The following BANK1 variants were observed in gnomAD, a reference collection of about 807,000 sequenced individuals.
BANK1 encodes the protein B-cell scaffold protein with ankyrin repeats.
A neutral mutation model predicts 94.5 loss-of-function variants in BANK1; 95 were observed. The ratio of observed to expected loss-of-function variants is 1.00; its 90% CI spans 0.85 to 1.19. The LOEUF is 1.19. Ranked by LOEUF, BANK1 falls within the 50% of genes most tolerant of loss-of-function variation. The pLI is 0.00. For missense variants in BANK1, 987 were observed against 932.2 expected (o/e 1.06, Z -0.77); for synonymous variants, 334 against 308.4 (o/e 1.08, Z -0.87).
chr4:101,997,112 C>A lies in BANK1; in HGVS notation c.1207-24402C>A, dbSNP rs141621590. Among the ~76,000 whole-genome samples, 494 of 152,096 alleles carry A rather than the reference C, an allele frequency of 3.2e-3. 6 individuals are homozygous for A. Among genetic ancestry groups the A allele is most frequent in the African/African-American group, 0.011 (475 of 41,488 alleles). ...ATTTTGAGATACATTCCATCAATACCTAGTTTTTTGAGAGTTTTTACCATG... is the reference window on the plus strand; with the variant it reads ...ATTTTGAGATACATTCCATCAATACATAGTTTTTTGAGAGTTTTTACCATG... On this transcript the variant is annotated intron_variant, in intron 7 of 16. Coordinates refer to ENST00000322953, the MANE Select transcript of BANK1 (RefSeq NM_017935.5).
At chr4:101,874,866 A>G (rs924156770) in intron 5 of BANK1, among the ~76,000 whole-genome samples, 4 of 152,128 alleles carry the variant, frequency 2.6e-5, no homozygotes, top group African/African-American at 9.7e-5. Context: ...GGCAACTAAT[A>G]TTTGTTGCTT....
At chr4:102,035,197 A>G (rs1416288301) in intron 10 of BANK1, among the ~76,000 whole-genome samples, 1 of 152,160 alleles carries the variant, frequency 6.6e-6, no homozygotes, top group African/African-American at 2.4e-5. Context: ...AACACTACCA[A>G]TTTGAAGGGA....
At chr4:101,991,190 T>C (rs957228248) in intron 7 of BANK1, among the ~76,000 whole-genome samples, 2 of 152,222 alleles carry the variant, frequency 1.3e-5, no homozygotes, top group African/African-American at 4.8e-5. Context: ...TCTCTGAGAC[T>C]CCAAAGTCAA....
At chr4:101,807,723 C>T (rs1340224646) in intron 1 of BANK1, among the ~76,000 whole-genome samples, 1 of 152,108 alleles carries the variant, frequency 6.6e-6, no homozygotes, top group Non-Finnish European at 1.5e-5. Context: ...AGCAGGAAAT[C>T]TAGGCACAAC....
At chr4:101,833,360 T>G (rs1471414529) in intron 2 of BANK1, among the ~76,000 whole-genome samples, 15 of 152,198 alleles carry the variant, frequency 9.9e-5, no homozygotes, top group African/African-American at 3.6e-4. Context: ...GTTTTGTTGT[T>G]TGTTCTGTTT....
Position 102,019,624 on chromosome 4 carries a change from G to A in BANK1, c.1207-1890G>A, listed in dbSNP as rs143288844. 5.7e-3 allele frequency among the ~76,000 whole-genome samples: 865 copies of A among 152,224 alleles called. 11 individuals are homozygous for A. Among genetic ancestry groups the A allele is most frequent in the African/African-American group, 0.02 (823 of 41,534 alleles). On this transcript the variant is annotated intron_variant, in intron 7 of 16. Transcript: ENST00000322953. ...CTGTCTACTCCATCACACAGCCAAGGATTAAAATGATTAGATGTCAGAATG... is the reference window on the plus strand; with the variant it reads ...CTGTCTACTCCATCACACAGCCAAGAATTAAAATGATTAGATGTCAGAATG...
chr4:101,820,569 C>G (rs1219816657), intron 1 of BANK1, among the ~76,000 whole-genome samples: 1 of 152,120 alleles, frequency 6.6e-6, no homozygotes, highest in Non-Finnish European at 1.5e-5. Context: ...TATTTCATCA[C>G]CCAGGAATTA....
intron 2 of BANK1, among the ~76,000 whole-genome samples, chr4:101,849,506 C>T (rs747877785): frequency 6.6e-6 from 1 of 151,880 alleles, no homozygotes; most frequent in Non-Finnish European, 1.5e-5. Flanking sequence ...GATACACACG[C>T]ACACACACAC....
chr4:101,921,238 A>T (rs143535220), intron 7 of BANK1, among the ~76,000 whole-genome samples: 4 of 151,904 alleles, frequency 2.6e-5, no homozygotes, highest in African/African-American at 9.7e-5. Context: ...CTCATTTTTC[A>T]GTTTCTAACA....
intron 2 of BANK1, among the ~76,000 whole-genome samples, chr4:101,837,324 T>C (rs1726866832): frequency 6.6e-6 from 1 of 152,220 alleles, no homozygotes; most frequent in Admixed American, 6.5e-5. Flanking sequence ...ATTCAGGGAT[T>C]GAATACTGAC....
chr4:101,942,322 G>A (rs1394823147), intron 7 of BANK1, among the ~76,000 whole-genome samples: 2 of 151,796 alleles, frequency 1.3e-5, no homozygotes, highest in African/African-American at 4.8e-5. Flanking sequence ...CTTCTTCATC[G>A]ACACAGTGGG....
chr4:101,859,235 C>G (rs190799995), intron 3 of BANK1, among the ~76,000 whole-genome samples: 70 of 152,304 alleles, frequency 4.6e-4, no homozygotes, highest in Non-Finnish European at 9.0e-4. Flanking sequence ...GAAGTGATGC[C>G]TTCTCAGAGG....
intron 1 of BANK1, among the ~76,000 whole-genome samples, chr4:101,813,244 G>A (rs191767803): frequency 2.8e-4 from 42 of 152,230 alleles, no homozygotes; most frequent in African/African-American, 7.0e-4. Flanking sequence ...AATTAAGGTA[G>A]ATTTTGGGCA....
At chr4:101,934,666 A>C (rs1455020732) in intron 7 of BANK1, among the ~76,000 whole-genome samples, 1 of 151,546 alleles carries the variant, frequency 6.6e-6, no homozygotes, top group African/African-American at 2.4e-5. Flanking sequence ...ACCAAACAAA[A>C]AGCCAAAACA....
At chr4:101,940,436 T>C (rs747799279) in intron 7 of BANK1, among the ~76,000 whole-genome samples, 80 of 151,768 alleles carry the variant, frequency 5.3e-4, no homozygotes, top group Non-Finnish European at 8.4e-4. Flanking sequence ...TGAACCAATA[T>C]TGATACATTA....
At chr4:102,028,735 CAT>C (rs944190127) in intron 9 of BANK1, among the ~76,000 whole-genome samples, 1 of 152,072 alleles carries the variant, frequency 6.6e-6, no homozygotes, top group Admixed American at 6.6e-5. Context: ...AATATTTTAA[CAT>C]ATTCTTATAA....
At chr4:101,911,214 A>G (rs1722652518) in intron 6 of BANK1, among the ~76,000 whole-genome samples, 1 of 152,166 alleles carries the variant, frequency 6.6e-6, no homozygotes, top group Non-Finnish European at 1.5e-5. Context: ...GCCTCGGTAC[A>G]CTATAGTGAG....
chr4:101,833,254 C>T (rs2148864674), intron 2 of BANK1, among the ~76,000 whole-genome samples: 1 of 152,352 alleles, frequency 6.6e-6, no homozygotes, highest in South Asian at 2.1e-4. Flanking sequence ...GCGGGGACTA[C>T]AGGCGTGAGC....
chr4:102,015,165 G>C (rs1578456780), intron 7 of BANK1, among the ~76,000 whole-genome samples: 1 of 151,906 alleles, frequency 6.6e-6, no homozygotes, highest in Non-Finnish European at 1.5e-5. Flanking sequence ...TTGATTCCAT[G>C]TCAGGCTTAT....
Sources: allele counts gnomAD v4.1 joint callset (sites outside exome capture counted in the v4.1 genomes callset), GRCh38; gene constraint gnomAD v4.1.1; transcripts MANE v1.5; gene names NCBI Gene and HGNC (gene_info 2026-07-23, HGNC 2026-07-21).